DHX8: variants seen among roughly 807,000 people sequenced by gnomAD.
The protein encoded by DHX8 is ATP-dependent RNA helicase DHX8.
DHX8 carries 67 observed loss-of-function variants against 140.7 expected under a neutral mutation model. The observed-to-expected ratio is 0.48, with a 90% CI of 0.39 to 0.58. The LOEUF (loss-of-function observed/expected upper bound fraction) is 0.58, where lower values mean the gene tolerates loss of function less well. Among genes scored for constraint, DHX8 ranks in the 20% least tolerant of loss-of-function variants. The probability of loss-of-function intolerance (pLI) is 0.00; values close to 1 mark genes in which losing one functional copy is unlikely to be tolerated. For missense variants in DHX8, 887 were observed against 1,550.7 expected, an observed-to-expected ratio of 0.57 and a Z score of 7.19; for synonymous variants, 533 against 553.2, an observed-to-expected ratio of 0.96 and a Z score of 0.51.
At chr17:43,515,606 A>G (rs568245425) in intron 17 of DHX8, among the ~76,000 whole-genome samples, 1 of 152,362 alleles carries the variant, frequency 6.6e-6, no homozygotes, top group East Asian at 1.9e-4. Flanking sequence ...CCTGAGGCAC[A>G]GAGGGGTTAG....
downstream of DHX8, chr17:43,528,253 T>C: frequency 2.5e-6 from 1 of 400,612 alleles, no homozygotes; most frequent in Non-Finnish European, 4.5e-6. Flanking sequence ...GGCTTGGACC[T>C]AGGAAGAAGC....
Position 43,523,785 on chromosome 17 carries a change from T to C in DHX8, c.3601T>C (p.Leu1201=). 6.2e-7 allele frequency: 1 copy of C among 1,614,190 alleles called. No individual in the cohort carries two copies. Among genetic ancestry groups the C allele is most frequent in the Non-Finnish European group, 8.5e-7 (1 of 1,180,040 alleles). Residue 1201 remains leucine (L), a synonymous_variant, in exon 23 of 23, where the codon TTG becomes CTG. Coordinates refer to ENST00000262415, the MANE Select transcript of DHX8 (RefSeq NM_004941.3). ...GAAGAAGCAACAGCGTCTTGAACCC[T>C]TGTACAACCGCTATGAGGAACCCAA... The part of the protein sequence containing the change: ...KQKKQQRLEP[L]YNRYEEPNAW...
downstream of DHX8, chr17:43,530,534 C>G: frequency 1.1e-6 from 1 of 886,968 alleles, no homozygotes; most frequent in South Asian, 2.0e-5. Context: ...AGTTCGGTGT[C>G]CACGCCTAAG....
rs373563314 is a variant in DHX8, at chr17:43,493,786, C to T, written c.1112C>T (p.Thr371Ile). The T allele has an allele frequency of 1.1e-5, 18 of 1,614,248 alleles. No individual in the cohort carries two copies. Among genetic ancestry groups the T allele is most frequent in the African/African-American group, 2.7e-5 (2 of 75,068 alleles). Residue 371 changes from threonine (T) to isoleucine (I), a missense_variant, in exon 8 of 23, where the codon ACT (threonine) becomes ATT (isoleucine). By Grantham distance (89) the Thr-to-Ile change is moderately conservative. Around this residue, in one of 9 missense-constraint regions of DHX8, gnomAD observed 98 missense variants for 152.7 expected, o/e 0.64. Transcript: ENST00000262415. ...TCAATGCGGAATCCTGATAGACCCA[C>T]TCACTTGTCCCTTGTCAGTGCTCCT... ...ETSMRNPDRP[T>I]HLSLVSAPEV...
chr17:43,494,720 CA>C (rs572905119), intron 8 of DHX8, among the ~76,000 whole-genome samples: 603 of 57,880 alleles, frequency 0.01, 8 homozygotes, highest in East Asian at 0.095. Flanking sequence ...GACTCTGTCT[CA>C]AAAAAAAAAA....
chr17:43,517,390 T>G, intron 18 of DHX8, 68 bp downstream of exon 18: 1 of 1,524,666 alleles, frequency 6.6e-7, no homozygotes, highest in East Asian at 2.3e-5. Flanking sequence ...TAAATGAATT[T>G]CAGTTTTATG....
downstream of DHX8, chr17:43,526,337 G>A: frequency 7.0e-7 from 1 of 1,436,352 alleles, no homozygotes; most frequent in Non-Finnish European, 9.1e-7. Context: ...AAGCTCAGGA[G>A]TTGCCTGCCT....
At chr17:43,504,888 T>C (rs1447053117) in intron 12 of DHX8, 63 bp downstream of exon 12, 2 of 1,451,216 alleles carry the variant, frequency 1.4e-6, no homozygotes, top group African/African-American at 2.8e-5. Flanking sequence ...AGGGGTGATA[T>C]TTTTAAACTG....
At chr17:43,501,138 A>G (rs1969170681) in intron 11 of DHX8, among the ~76,000 whole-genome samples, 1 of 152,164 alleles carries the variant, frequency 6.6e-6, no homozygotes, top group Non-Finnish European at 1.5e-5. Flanking sequence ...TCACCAAATA[A>G]TTAAATTATG....
intron 16 of DHX8, among the ~76,000 whole-genome samples, chr17:43,511,475 T>TTTTTTTTTTTTTTTTTTG (rs1969830286): frequency 7.1e-6 from 1 of 140,722 alleles, no homozygotes; most frequent in African/African-American, 2.6e-5. Context: ...TTTTTTTTTT[T>TTTTTTTTTTTTTTTTTTG]GAGACAGAGT....
At chr17:43,529,982 T>A (rs372672077), downstream of DHX8, 1 of 1,613,828 alleles carries the variant, frequency 6.2e-7, no homozygotes, top group Non-Finnish European at 8.5e-7. Context: ...GTTGCTCAGA[T>A]CTGGGGGTTC....
chr17:43,508,618 CTTTT>C (rs369283745), intron 16 of DHX8, 98 bp downstream of exon 16: 1,785 of 523,666 alleles, frequency 3.4e-3, no homozygotes, highest in South Asian at 5.6e-3. Context: ...GTATGCAAGT[CTTTT>C]TTTTTTTTTT....
chr17:43,520,612 G>A, intron 19 of DHX8, 139 bp from the exon 20 acceptor site: 1 of 978,228 alleles, frequency 1.0e-6, no homozygotes, highest in Non-Finnish European at 1.5e-6. Context: ...GCATTCTTCT[G>A]ATAGAGAAAG....
At position 43,523,912 on chromosome 17, in the gene DHX8, G is replaced by T; in HGVS notation, c.*65G>T. ...CAGGGCTTGGACTTATCGATGACAG[G>T]CTGGTCCTGAGGATACAGCTGTCCC... On this transcript the variant is annotated 3_prime_UTR_variant, in exon 23 of 23. Transcript: ENST00000262415. 6.3e-7 allele frequency: 1 copy of T among 1,597,332 alleles called. No homozygotes were observed. Among genetic ancestry groups the T allele is most frequent in the Middle Eastern group, 1.7e-4 (1 of 5,764 alleles).
At chr17:43,508,542 C>T (rs749697697) in intron 16 of DHX8, 22 bp downstream of exon 16, 1 of 1,552,836 alleles carries the variant, frequency 6.4e-7, no homozygotes, top group South Asian at 1.1e-5. Flanking sequence ...AAAAATGAAG[C>T]TTCCATGTGC....
At chr17:43,495,194 T>C (rs549199265) in intron 8 of DHX8, among the ~76,000 whole-genome samples, 4 of 152,210 alleles carry the variant, frequency 2.6e-5, no homozygotes, top group Non-Finnish European at 4.4e-5. Flanking sequence ...TAAACGCGAA[T>C]ATATCATGGT....
At position 43,509,979 on chromosome 17, in the gene DHX8, T is replaced by A. The variant is rs898289166; in HGVS notation, c.2502+1459T>A. ...CCACTGCGCCCAGCCAATTTTTGTATTTTTTTTGTAGAAACACAGTTTCGC... is the reference window on the plus strand; with the variant it reads ...CCACTGCGCCCAGCCAATTTTTGTAATTTTTTTGTAGAAACACAGTTTCGC... On this transcript the variant is annotated intron_variant, in intron 16 of 22. Transcript: ENST00000262415. 6.0e-5 allele frequency among the ~76,000 whole-genome samples: 9 copies of A among 151,060 alleles called. No individual in the cohort carries two copies. The East Asian group carries it at 1.8e-3, about 30-fold the overall frequency.
Position 43,524,024 on chromosome 17 carries a change from G to T in DHX8, c.*177G>T. On this transcript the variant is annotated 3_prime_UTR_variant, in exon 23 of 23. Transcript: ENST00000262415. ...AAATAGAAACAGGGATTTAAACCTGGCTTTGGCAAGAGCCTGCAGCCTCCA... is the reference window on the plus strand; with the variant it reads ...AAATAGAAACAGGGATTTAAACCTGTCTTTGGCAAGAGCCTGCAGCCTCCA... 1 of 1,431,680 alleles carries T rather than the reference G, an allele frequency of 7.0e-7. No homozygotes were observed. Among genetic ancestry groups the T allele is most frequent in the Non-Finnish European group, 9.1e-7 (1 of 1,097,462 alleles). The allele number at this position is 1,431,680 out of a possible 1,614,324, so 88.7% of individuals were successfully genotyped here.
downstream of DHX8, chr17:43,529,914 C>T: frequency 6.2e-7 from 1 of 1,614,168 alleles, no homozygotes; most frequent in South Asian, 1.1e-5. Flanking sequence ...ACGCAGACAT[C>T]ATCTGGGAAT....
Sources: gnomAD v4.1 joint callset for allele counts (sites outside exome capture counted in the v4.1 genomes callset) on GRCh38, gnomAD v4.1.1 for gene constraint, gnomAD v4.1.1 regional missense constraint, MANE v1.5 for transcripts, NCBI Gene and HGNC (gene_info 2026-07-23, HGNC 2026-07-21) for gene names.